Variants in TARM1 observed in about 807,000 individuals in gnomAD.
TARM1 encodes the protein T cell-interacting, activating receptor on myeloid cells 1.
A neutral mutation model predicts 30.4 loss-of-function variants in TARM1; 24 were observed. The observed-to-expected ratio is 0.79, with a 90% CI of 0.57 to 1.11. The LOEUF is 1.11. Ranked by LOEUF, TARM1 falls within the 50% of genes least tolerant of loss-of-function variation. The pLI is 0.00. For missense variants in TARM1, 323 were observed against 332.8 expected, an observed-to-expected ratio of 0.97 and a Z score of 0.23; for synonymous variants, 129 against 138.9, an observed-to-expected ratio of 0.93 and a Z score of 0.50.
chr19:54,073,181 G>C (rs1030399993), intron 4 of TARM1, among the ~76,000 whole-genome samples: 4 of 150,674 alleles, frequency 2.7e-5, no homozygotes, highest in Non-Finnish European at 1.5e-5. Flanking sequence ...GGCCGAGGCA[G>C]GCAGATCACC....
chr19:54,076,083 G>A lies in TARM1; in HGVS notation c.35-165C>T, dbSNP rs587658342. The A allele has an allele frequency of 1.7e-4, 246 of 1,448,568 alleles. 2 individuals carry two copies. In the South Asian group the frequency reaches 2.6e-3, roughly 16 times the overall value. 89.7% of individuals were successfully genotyped at this position (1,448,568 alleles called of 1,614,324 possible). A position where few individuals can be genotyped will look rare whatever the true frequency, so the allele number is the denominator to read the frequency against. On this transcript the variant is annotated intron_variant, in intron 1 of 4. Transcript: ENST00000432826. ...CCACACTGGACTGTGGCTTCTGCTC[G>A]ACTTCCAGCTCCTCCATCCTTTCCC...
At chr19:54,080,384 G>A (rs587692176) in intron 1 of TARM1, among the ~76,000 whole-genome samples, 18 of 149,754 alleles carry the variant, frequency 1.2e-4, no homozygotes, top group Non-Finnish European at 2.2e-4. Flanking sequence ...CGTGAACCCG[G>A]GAGGCGGAGC....
At chr19:54,071,220 G>T (rs1263498307) in intron 4 of TARM1, among the ~76,000 whole-genome samples, 1 of 151,962 alleles carries the variant, frequency 6.6e-6, no homozygotes, top group African/African-American at 2.4e-5. Context: ...GGCCTCCCAA[G>T]GTGCTGGGAT....
At chr19:54,080,512 AAGG>A (rs2072102079) in intron 1 of TARM1, among the ~76,000 whole-genome samples, 1 of 126,862 alleles carries the variant, frequency 7.9e-6, no homozygotes, top group Admixed American at 7.6e-5. Flanking sequence ...GGAAGGAAGG[AAGG>A]AAGGAAGGAA....
rs2071957902 is a variant in TARM1, at chr19:54,076,427, A to G, written c.35-509T>C. On this transcript the variant is annotated intron_variant, in intron 1 of 4. Coordinates refer to ENST00000432826, the MANE Select transcript of TARM1 (RefSeq NM_001135686.3). ...GCCCAGGCTGGAGTAGAGTGACGCAATCTCGGCTCACTGCAACCTCCGCCT... is the reference window on the plus strand; with the variant it reads ...GCCCAGGCTGGAGTAGAGTGACGCAGTCTCGGCTCACTGCAACCTCCGCCT... 3 of 484,082 alleles carry G rather than the reference A, an allele frequency of 6.2e-6. No homozygotes were observed. The South Asian group carries it at 7.9e-5, about 13-fold the overall frequency. The allele number at this position is 484,082 out of a possible 1,614,324, so 30.0% of individuals were successfully genotyped here.
At chr19:54,074,729 A>G in intron 3 of TARM1, 95 bp downstream of exon 3, 1 of 1,300,220 alleles carries the variant, frequency 7.7e-7, no homozygotes, top group Non-Finnish European at 1.1e-6. Flanking sequence ...ACCCCCAACT[A>G]CTCTGAAGGT....
chr19:54,078,954 A>G (rs1483174274), intron 1 of TARM1, among the ~76,000 whole-genome samples: 1 of 152,036 alleles, frequency 6.6e-6, no homozygotes, highest in Non-Finnish European at 1.5e-5. Flanking sequence ...AAGCAAATTC[A>G]TAGAGATAAA....
intron 1 of TARM1, among the ~76,000 whole-genome samples, chr19:54,077,496 T>C (rs1206201940): frequency 1.3e-5 from 2 of 152,156 alleles, no homozygotes; most frequent in East Asian, 3.9e-4. Context: ...CCTGTGTCTC[T>C]GAGAGATTTC....
At chr19:54,070,904 G>A (rs1434847942) in intron 4 of TARM1, among the ~76,000 whole-genome samples, 3 of 152,140 alleles carry the variant, frequency 2.0e-5, no homozygotes, top group Non-Finnish European at 4.4e-5. Context: ...AAACCACCAT[G>A]CCTGGCCATA....
intron 4 of TARM1, among the ~76,000 whole-genome samples, chr19:54,073,655 G>C (rs1330049366): frequency 2.6e-5 from 4 of 151,516 alleles, no homozygotes; most frequent in Non-Finnish European, 5.9e-5. Context: ...CATCATACCT[G>C]GCTAATTTTT....
rs758163798 is a variant in TARM1, at chr19:54,074,949, G to A, written c.236C>T (p.Ala79Val). Residue 79 changes from alanine to valine, a missense_variant, in exon 3 of 5, where the codon GCG (alanine) becomes GTG (valine). By Grantham distance (64) the Ala-to-Val change is moderately conservative. Transcript: ENST00000432826. Reference protein sequence around the residue: ...SPKPLDSTEGAAEFHLNNLKV... With the variant: ...SPKPLDSTEGVAEFHLNNLKV... The stretch of plus-strand genomic sequence containing the variant: ...TAGATTATTGAGGTGAAATTCGGCC[G>A]CGCCCTCTGTAGAATCAAGGGGCTT... The A allele has an allele frequency of 1.5e-4, 232 of 1,551,428 alleles. No homozygotes were observed. Among genetic ancestry groups the A allele is most frequent in the Middle Eastern group, 1.2e-3 (7 of 6,014 alleles).
At chr19:54,080,609 G>A (rs1037471291) in intron 1 of TARM1, among the ~76,000 whole-genome samples, 1 of 151,952 alleles carries the variant, frequency 6.6e-6, no homozygotes, top group Non-Finnish European at 1.5e-5. Context: ...GTAGATAGTG[G>A]TGATGGTTAC....
In TARM1 at chr19:54,080,383, G is replaced by A. The variant is rs192707256; in HGVS notation, c.34+924C>T. 7.6e-3 allele frequency among the ~76,000 whole-genome samples: 1,141 copies of A among 149,330 alleles called. 12 individuals carry two copies. Among genetic ancestry groups the A allele is most frequent in the African/African-American group, 0.027 (1,091 of 40,672 alleles). On this transcript the variant is annotated intron_variant, in intron 1 of 4. Coordinates refer to ENST00000432826, the MANE Select transcript of TARM1 (RefSeq NM_001135686.3). ...TGAGGCAGGAGAATGGCGTGAACCC[G>A]GGAGGCGGAGCTTGCAGTGAGCAGA...
At chr19:54,077,310 G>A (rs2071980939) in intron 1 of TARM1, among the ~76,000 whole-genome samples, 1 of 151,826 alleles carries the variant, frequency 6.6e-6, no homozygotes, top group Non-Finnish European at 1.5e-5. Context: ...AACCCAGGAG[G>A]CAGAGTTTGC....
At position 54,074,030 on chromosome 19, in the gene TARM1, A is replaced by G. The variant is rs1265506118; in HGVS notation, c.548T>C (p.Leu183Pro). 6.4e-7 allele frequency: 1 copy of G among 1,551,676 alleles called. No homozygotes were observed. Among genetic ancestry groups the G allele is most frequent in the South Asian group, 1.2e-5 (1 of 84,058 alleles). ...AGCATCGCCGGCTGTCACGTCCACCAGAGAGAAGTCTATCTCCTTCCCCGC... is the reference window on the plus strand; with the variant it reads ...AGCATCGCCGGCTGTCACGTCCACCGGAGAGAAGTCTATCTCCTTCCCCGC... ...SPAGKEIDFS[L>P]VDVTAGDAGN... The change falls in exon 4 of 5, where the codon CTG (leucine) becomes CCG (proline). Residue 183 changes from leucine to proline, a missense_variant. By Grantham distance (98) the Leu-to-Pro change is moderately conservative. Transcript: ENST00000432826.
Position 54,080,127 on chromosome 19 carries a change from G to GA in TARM1, c.34+1179_34+1180insT, listed in dbSNP as rs2072071768. Among the ~76,000 whole-genome samples the GA allele has an allele frequency of 6.1e-5, 3 of 49,268 alleles. 1 individual carries two copies. Among genetic ancestry groups the GA allele is most frequent in the African/African-American group, 2.0e-4 (3 of 14,942 alleles). The allele number at this position is 49,268 out of a possible 152,430, so 32.3% of individuals were successfully genotyped here. ...AGGAAGGAAGGAAGGAAGGAAGGAAGGAAGGAAGGAAGAAAGCAAGCAAGC... is the reference window on the plus strand; with the variant it reads ...AGGAAGGAAGGAAGGAAGGAAGGAAGAGAAGGAAGGAAGAAAGCAAGCAAGC... On this transcript the variant is annotated intron_variant, in intron 1 of 4. Transcript: ENST00000432826.
chr19:54,074,110 G>C lies in TARM1; in HGVS notation c.468C>G (p.Ile156Met). The C allele has an allele frequency of 1.9e-6, 3 of 1,551,736 alleles. No homozygotes were observed. Among genetic ancestry groups the C allele is most frequent in the Non-Finnish European group, 1.7e-6 (2 of 1,147,006 alleles). The change falls in exon 4 of 5, where the codon ATC (isoleucine) becomes ATG (methionine). Residue 156 changes from isoleucine to methionine, a missense_variant. By Grantham distance (10) the Ile-to-Met change is conservative (BLOSUM62 1). Coordinates refer to ENST00000432826, the MANE Select transcript of TARM1 (RefSeq NM_001135686.3). ...TCCCTGCCTTCAGTAGAGCGAACAT[G>C]ATAGGCACAAACAATTGGTCTCGCT... ...CQKRDQLFVP[I>M]MFALLKAGTP...
chr19:54,075,255 T>C, intron 2 of TARM1, 141 bp from the exon 3 acceptor site: 1 of 709,804 alleles, frequency 1.4e-6, no homozygotes, highest in East Asian at 2.9e-5. Context: ...TGGTGCAATC[T>C]CAGTTCACTG....
At chr19:54,070,550 G>T (rs113234407) in intron 4 of TARM1, among the ~76,000 whole-genome samples, 2,533 of 150,248 alleles carry the variant, frequency 0.017, 71 homozygotes, top group African/African-American at 0.058. Flanking sequence ...GTGAGCCACC[G>T]CGCCCGGCCA....
Sources: allele counts gnomAD v4.1 joint callset (sites outside exome capture counted in the v4.1 genomes callset), GRCh38; gene constraint gnomAD v4.1.1; transcripts MANE v1.5; gene names NCBI Gene and HGNC (gene_info 2026-07-23, HGNC 2026-07-21).